PLB1: variants seen among roughly 807,000 people sequenced by gnomAD.
The protein encoded by PLB1 is phospholipase B1, membrane-associated.
PLB1 carries 242 observed loss-of-function variants against 227.4 expected under a neutral mutation model. The observed-to-expected ratio is 1.06, with a 90% CI of 0.96 to 1.18. The LOEUF is 1.18. Ranked by LOEUF, PLB1 falls within the 50% of genes most tolerant of loss-of-function variation. The pLI is 0.00. For synonymous variants in PLB1, 757 were observed against 682.2 expected, an observed-to-expected ratio of 1.11 and a Z score of -1.71; for missense variants, 1,858 against 1,816.3, an observed-to-expected ratio of 1.02 and a Z score of -0.42.
intron 25 of PLB1, among the ~76,000 whole-genome samples, chr2:28,583,500 T>A (rs1680399511): frequency 6.6e-6 from 1 of 152,128 alleles, no homozygotes; most frequent in African/African-American, 2.4e-5. Context: ...TCCAAAACTT[T>A]TAAAGTGCTG....
In PLB1 at chr2:28,593,674, T is replaced by G. The variant is rs1448494912; in HGVS notation, c.2248-7T>G. 3 of 1,613,860 alleles carry G rather than the reference T, an allele frequency of 1.9e-6. No homozygotes were observed. In the South Asian group the frequency reaches 3.3e-5, roughly 18 times the overall value. Reference sequence around the variant, plus strand: ...ATTTTCCTATGGACTCTGGTATATTTTCAAAGGCTGGCAATGGAATTGGCT... The same window carrying G: ...ATTTTCCTATGGACTCTGGTATATTGTCAAAGGCTGGCAATGGAATTGGCT... On this transcript the variant is annotated splice_polypyrimidine_tract_variant and splice_region_variant and intron_variant, in intron 32 of 57. Coordinates refer to ENST00000327757, the MANE Select transcript of PLB1 (RefSeq NM_153021.5).
At chr2:28,542,334 G>A (rs1672623645) in intron 13 of PLB1, among the ~76,000 whole-genome samples, 1 of 152,158 alleles carries the variant, frequency 6.6e-6, no homozygotes, top group Non-Finnish European at 1.5e-5. Context: ...CAGCCCCCAT[G>A]AAATGTGCTG....
intron 44 of PLB1, among the ~76,000 whole-genome samples, chr2:28,615,011 A>G (rs994921031): frequency 3.3e-5 from 5 of 152,126 alleles, no homozygotes; most frequent in Non-Finnish European, 7.4e-5. Context: ...GAGGAGCGTG[A>G]TGGGGCTGGG....
At chr2:28,501,004 G>A (rs917559158) in intron 1 of PLB1, among the ~76,000 whole-genome samples, 4 of 152,278 alleles carry the variant, frequency 2.6e-5, no homozygotes, top group Middle Eastern at 3.4e-3. Context: ...GGCTTCCATT[G>A]GTAGGGGAGT....
chr2:28,543,621 A>T (rs940466319), intron 14 of PLB1, among the ~76,000 whole-genome samples: 2 of 152,068 alleles, frequency 1.3e-5, no homozygotes, highest in African/African-American at 4.8e-5. Flanking sequence ...GCCTGCCCTC[A>T]CACTTAGGCG....
chr2:28,539,279 A>T, intron 11 of PLB1, 101 bp downstream of exon 11: 1 of 1,103,664 alleles, frequency 9.1e-7, no homozygotes, highest in East Asian at 2.5e-5. Context: ...GGGAGCCCTA[A>T]AGAACAGAGG....
At chr2:28,544,926 A>AG (rs906732909) in intron 14 of PLB1, among the ~76,000 whole-genome samples, 1 of 152,180 alleles carries the variant, frequency 6.6e-6, no homozygotes, top group African/African-American at 2.4e-5. Flanking sequence ...GGGCAGGTCC[A>AG]GGGAGAGGGC....
chr2:28,573,975 G>A (rs928253671), intron 21 of PLB1, among the ~76,000 whole-genome samples: 2 of 152,182 alleles, frequency 1.3e-5, no homozygotes, highest in Non-Finnish European at 2.9e-5. Flanking sequence ...AGTGAGCACG[G>A]CCATCACTGT....
chr2:28,498,229 A>G (rs1173288392), intron 1 of PLB1, among the ~76,000 whole-genome samples: 1 of 151,218 alleles, frequency 6.6e-6, no homozygotes, highest in Non-Finnish European at 1.5e-5. Flanking sequence ...TGTTGTTATT[A>G]TTATTTCTTT....
chr2:28,637,729 T>C (rs1257610274), intron 56 of PLB1, among the ~76,000 whole-genome samples: 1 of 152,210 alleles, frequency 6.6e-6, no homozygotes, highest in Non-Finnish European at 1.5e-5. Context: ...ACACCTCTGC[T>C]AACTCTTGCT....
At chr2:28,520,543 G>C (rs1026841876) in intron 4 of PLB1, among the ~76,000 whole-genome samples, 1 of 152,156 alleles carries the variant, frequency 6.6e-6, no homozygotes, top group Admixed American at 6.5e-5. Flanking sequence ...TTGTGCAACT[G>C]ATCTCCAGAA....
chr2:28,506,140 G>A (rs1667613449), intron 1 of PLB1, among the ~76,000 whole-genome samples: 1 of 152,218 alleles, frequency 6.6e-6, no homozygotes, highest in Non-Finnish European at 1.5e-5. Flanking sequence ...GTTGGGCTGT[G>A]CCTGGCTGGT....
intron 19 of PLB1, 193 bp from the exon 20 acceptor site, chr2:28,566,603 G>A: frequency 5.2e-6 from 3 of 578,070 alleles, no homozygotes; most frequent in Non-Finnish European, 9.4e-6. Flanking sequence ...TTGTTTGGAT[G>A]TGCTGGCCTA....
In PLB1 at chr2:28,620,324, C is replaced by G. The variant is rs766916443; in HGVS notation, c.3375C>G (p.Leu1125=). 9 of 1,602,904 alleles carry G rather than the reference C, an allele frequency of 5.6e-6. No homozygotes were observed. The East Asian group carries it at 1.8e-4, about 32-fold the overall frequency. ...SSDLPTSWRG[L]SWSIGGDGNL... ...ACCTACCCACATCTTGGAGGGGACT[C>G]TCTTGGAGGTGAGGATGTTCTTGAT... Residue 1125 remains leucine, a synonymous_variant, in exon 47 of 58, where the codon CTC becomes CTG. Coordinates refer to ENST00000327757, the MANE Select transcript of PLB1 (RefSeq NM_153021.5).
intron 33 of PLB1, 57 bp downstream of exon 33, chr2:28,593,811 G>A (rs1682420337): frequency 3.4e-6 from 5 of 1,471,882 alleles, no homozygotes; most frequent in East Asian, 2.3e-5. Context: ...ATTAGGTGTG[G>A]CTTTGTCTCC....
intron 20 of PLB1, among the ~76,000 whole-genome samples, chr2:28,567,685 G>A (rs1490737905): frequency 1.3e-5 from 2 of 152,012 alleles, no homozygotes; most frequent in Non-Finnish European, 2.9e-5. Flanking sequence ...TGTTGGCCAG[G>A]ATGGTCTCGA....
At chr2:28,604,159 T>C (rs7573051) in intron 40 of PLB1, 112 bp downstream of exon 40, 106,732 of 1,056,230 alleles carry the variant, frequency 0.1, 6,288 homozygotes, top group African/African-American at 0.17. Flanking sequence ...TCAGGGATTG[T>C]GGGGAGACGG....
At chr2:28,616,792 AG>A (rs752872824) in intron 44 of PLB1, among the ~76,000 whole-genome samples, 213 of 152,366 alleles carry the variant, frequency 1.4e-3, no homozygotes, top group Non-Finnish European at 2.6e-3. Flanking sequence ...CAAATTCCAT[AG>A]GATTAAGCAA....
At chr2:28,633,274 T>A (rs1688894725) in intron 56 of PLB1, 1 of 510,436 alleles carries the variant, frequency 2.0e-6, no homozygotes, top group Admixed American at 3.8e-5. Flanking sequence ...TCTTTGTTCC[T>A]TCAGCAATGC....
Sources: gnomAD v4.1 joint callset for allele counts (sites outside exome capture counted in the v4.1 genomes callset) on GRCh38, gnomAD v4.1.1 for gene constraint, MANE v1.5 for transcripts, NCBI Gene and HGNC (gene_info 2026-07-23, HGNC 2026-07-21) for gene names.